Variants in CBLB observed in about 807,000 individuals in gnomAD.
CBLB encodes E3 ubiquitin-protein ligase CBL-B.
In CBLB, 31 loss-of-function variants were observed where a neutral mutation model predicts 104.9. The observed-to-expected ratio is 0.30, with a 90% CI of 0.22 to 0.40. CBLB has a LOEUF of 0.40. CBLB is among the 10% of genes least tolerant of loss of function. The pLI, the probability that CBLB is intolerant of heterozygous loss-of-function variation, is 1.00. For missense variants in CBLB, 1,062 were observed against 1,214.6 expected (o/e 0.87, Z 1.87); for synonymous variants, 440 against 422.6 (o/e 1.04, Z -0.51).
chr3:105,679,078 A>C, intron 16 of CBLB, among the ~76,000 whole-genome samples: 1 of 152,210 alleles, frequency 6.6e-6, no homozygotes, highest in African/African-American at 2.4e-5. Flanking sequence ...TATTTAACCT[A>C]ATGTTTCATA....
intron 5 of CBLB, among the ~76,000 whole-genome samples, chr3:105,747,817 T>A (rs1343291968): frequency 6.7e-6 from 1 of 149,612 alleles, no homozygotes; most frequent in African/African-American, 2.4e-5. Flanking sequence ...GAAGAGTGTT[T>A]GAAAAAAAAT....
At chr3:105,775,386 C>CAA (rs932444531) in intron 4 of CBLB, among the ~76,000 whole-genome samples, 5 of 120,298 alleles carry the variant, frequency 4.2e-5, no homozygotes, top group South Asian at 6.0e-4. Context: ...AAAACAAAAA[C>CAA]AAACAAAGGA....
chr3:105,771,597 A>G (rs1210917415), intron 4 of CBLB, among the ~76,000 whole-genome samples: 2 of 152,274 alleles, frequency 1.3e-5, no homozygotes, highest in African/African-American at 4.8e-5. Flanking sequence ...TCGAACTGTC[A>G]TCATTCACTG....
At chr3:105,857,907 G>A (rs1342819854) in intron 2 of CBLB, among the ~76,000 whole-genome samples, 1 of 152,166 alleles carries the variant, frequency 6.6e-6, no homozygotes. Flanking sequence ...GAGAAAAGCA[G>A]CAGCTCACTC....
intron 4 of CBLB, among the ~76,000 whole-genome samples, chr3:105,763,315 G>T (rs1438413538): frequency 1.3e-5 from 2 of 152,190 alleles, no homozygotes; most frequent in Non-Finnish European, 2.9e-5. Context: ...TTGTGTCTTG[G>T]AATGTGAGGA....
At chr3:105,722,198 C>CAAAAAAAAAAAAAAAAAAAAAAAAA (rs5851468) in intron 9 of CBLB, among the ~76,000 whole-genome samples, 2 of 84,398 alleles carry the variant, frequency 2.4e-5, no homozygotes, top group African/African-American at 9.4e-5. Context: ...GACCCCGTGC[C>CAAAAAAAAAAAAAAAAAAAAAAAAA]AAAAAAAAAA....
chr3:105,734,221 A>AT (rs2074654991), intron 8 of CBLB, 81 bp from the exon 9 acceptor site: 1 of 1,402,974 alleles, frequency 7.1e-7, no homozygotes, highest in Non-Finnish European at 1.0e-6. Context: ...CCCAAATAAA[A>AT]TGACGCACAG....
chr3:105,692,972 A>T (rs1250232203), intron 13 of CBLB, among the ~76,000 whole-genome samples: 1 of 151,266 alleles, frequency 6.6e-6, no homozygotes, highest in Non-Finnish European at 1.5e-5. Context: ...TCCGATCATA[A>T]GAGATTATCA....
At chr3:105,725,074 A>C (rs1200753688) in intron 9 of CBLB, among the ~76,000 whole-genome samples, 4 of 152,212 alleles carry the variant, frequency 2.6e-5, no homozygotes, top group African/African-American at 7.2e-5. Context: ...GATCATTCAT[A>C]AATGTAAAAA....
At position 105,838,183 on chromosome 3, in the gene CBLB, A is replaced by C. The variant is rs868190248; in HGVS notation, c.419+15231T>G. Among the ~76,000 whole-genome samples, 3 of 149,074 alleles carry C rather than the reference A, an allele frequency of 2.0e-5. No homozygotes were observed. The Middle Eastern group carries it at 0.01, about 511-fold the overall frequency. On this transcript the variant is annotated intron_variant, in intron 3 of 18. Coordinates refer to ENST00000394030, the MANE Select transcript of CBLB (RefSeq NM_170662.5). ...CAGTAGCCTCAACCTCCTTGGCTCA[A>C]GCAATCTCACCCATTTCAGCCTCCA...
At chr3:105,866,282 T>C (rs545058623) in intron 2 of CBLB, among the ~76,000 whole-genome samples, 1 of 152,354 alleles carries the variant, frequency 6.6e-6, no homozygotes, top group East Asian at 1.9e-4. Flanking sequence ...CACATTCATA[T>C]GTTGCTACTA....
chr3:105,738,671 T>C (rs1263412702), intron 7 of CBLB, among the ~76,000 whole-genome samples: 1 of 152,078 alleles, frequency 6.6e-6, no homozygotes, highest in Non-Finnish European at 1.5e-5. Context: ...AGGAGGTTGT[T>C]GATAGGTTCT....
At chr3:105,826,331 C>G (rs62256353) in intron 3 of CBLB, among the ~76,000 whole-genome samples, 10,510 of 152,152 alleles carry the variant, frequency 0.069, 531 homozygotes, top group Admixed American at 0.15. Context: ...AAAACATGAT[C>G]TCCATTTTGA....
chr3:105,682,019 GTCTC>G, intron 14 of CBLB: 1 of 545,256 alleles, frequency 1.8e-6, no homozygotes, highest in Non-Finnish European at 3.2e-6. Flanking sequence ...AAGTAACACA[GTCTC>G]TCTTTTTTTA....
At chr3:105,660,924 G>T in intron 18 of CBLB, among the ~76,000 whole-genome samples, 1 of 150,684 alleles carries the variant, frequency 6.6e-6, no homozygotes, top group Admixed American at 6.6e-5. Context: ...AAAGCCTCTA[G>T]GATAAAAGCA....
At chr3:105,729,958 A>G (rs1051998887) in intron 9 of CBLB, among the ~76,000 whole-genome samples, 2 of 152,124 alleles carry the variant, frequency 1.3e-5, no homozygotes, top group Admixed American at 6.5e-5. Context: ...ACTGTATCTA[A>G]ATGTAAAAAT....
At position 105,795,191 on chromosome 3, in the gene CBLB, C is replaced by T. The variant is rs186753913; in HGVS notation, c.420-18649G>A. ...CCTCCGAAAGTGCTGGGATTACAGG[C>T]GTGAGCCAATGGCAACATTATTCAA... On this transcript the variant is annotated intron_variant, in intron 3 of 18. Coordinates refer to ENST00000394030, the MANE Select transcript of CBLB (RefSeq NM_170662.5). Among the ~76,000 whole-genome samples, 50 of 152,156 alleles carry T rather than the reference C, an allele frequency of 3.3e-4. No homozygotes were observed. The East Asian group carries it at 6.8e-3, about 21-fold the overall frequency.
At chr3:105,680,194 C>T (rs1335195497) in intron 16 of CBLB, among the ~76,000 whole-genome samples, 1 of 152,102 alleles carries the variant, frequency 6.6e-6, no homozygotes, top group Non-Finnish European at 1.5e-5. Flanking sequence ...CCTGGGATAT[C>T]AGAAGGCTCA....
intron 13 of CBLB, 96 bp from the exon 14 acceptor site, chr3:105,685,562 A>C: frequency 1.1e-6 from 1 of 948,416 alleles, no homozygotes; most frequent in Non-Finnish European, 1.7e-6. Context: ...CTACTTTATC[A>C]CTTATGTTCA....
Sources: allele counts gnomAD v4.1 joint callset (sites outside exome capture counted in the v4.1 genomes callset), GRCh38; gene constraint gnomAD v4.1.1; transcripts MANE v1.5; gene names NCBI Gene and HGNC (gene_info 2026-07-23, HGNC 2026-07-21).